Variants in TTLL5 observed in about 807,000 individuals in gnomAD.
TTLL5 encodes tubulin tyrosine ligase like 5, also known as tubulin polyglutamylase TTLL5.
In TTLL5, 132 loss-of-function variants were observed where a neutral mutation model predicts 168.4. The observed-to-expected ratio is 0.78, with a 90% CI of 0.68 to 0.91. The LOEUF (loss-of-function observed/expected upper bound fraction) is 0.91. TTLL5 is among the 40% of genes least tolerant of loss of function. The pLI is 0.00. For missense variants in TTLL5, 1,545 were observed against 1,581.5 expected, an observed-to-expected ratio of 0.98 and a Z score of 0.39; for synonymous variants, 546 against 558.6, an observed-to-expected ratio of 0.98 and a Z score of 0.32.
rs1320201117 is a variant in TTLL5 at position 75,779,494 on chromosome 14, C to T, written c.2388-81C>T. The T allele has an allele frequency of 4.5e-6, 7 of 1,569,742 alleles. No homozygotes were observed. The African/African-American group carries it at 8.3e-5, about 19-fold the overall frequency. ...TTTCATTTTTCCCTTTTCCAGCTTG[C>T]TCTGTTTTCATAATAAAATCTGGTG... On this transcript the variant is annotated intron_variant, in intron 23 of 31. Transcript: ENST00000298832.
At chr14:75,788,699 TA>T (rs1291811998) in intron 26 of TTLL5, among the ~76,000 whole-genome samples, 6 of 152,150 alleles carry the variant, frequency 3.9e-5, no homozygotes, top group Non-Finnish European at 8.8e-5. Flanking sequence ...AATATATTTT[TA>T]AAAAAACTCT....
chr14:75,788,368 C>CTGA (rs1168259518), intron 26 of TTLL5, among the ~76,000 whole-genome samples: 3 of 151,994 alleles, frequency 2.0e-5, no homozygotes, highest in African/African-American at 7.2e-5. Flanking sequence ...GGACAAACCT[C>CTGA]TGATGACACC....
intron 12 of TTLL5, among the ~76,000 whole-genome samples, chr14:75,726,173 T>G (rs1300273289): frequency 6.6e-6 from 1 of 152,220 alleles, no homozygotes; most frequent in African/African-American, 2.4e-5. Flanking sequence ...TTGGATGGAT[T>G]ATTATTTTCT....
At position 75,882,744 on chromosome 14, in the gene TTLL5, A is replaced by G. The variant is rs763908843; in HGVS notation, c.3582A>G (p.Ala1194=). The G allele has an allele frequency of 3.7e-6, 6 of 1,613,998 alleles. No individual in the cohort carries two copies. The highest frequency in any genetic ancestry group is 5.1e-6 in the Non-Finnish European group (6 of 1,180,000). The change falls in exon 30 of 32, where the codon GCA becomes GCG. Residue 1194 remains alanine (A), a synonymous_variant. Coordinates refer to ENST00000298832, the MANE Select transcript of TTLL5 (RefSeq NM_015072.5). ...ATTTATGGACAATGAATAATGGTGCAGGTTGTAGAATTTCCAGTGCCACAG... is the reference window on the plus strand; with the variant it reads ...ATTTATGGACAATGAATAATGGTGCGGGTTGTAGAATTTCCAGTGCCACAG... ...NSNLWTMNNG[A]GCRISSATAS...
chr14:75,906,598 C>G (rs1323906112), intron 31 of TTLL5: 1 of 985,788 alleles, frequency 1.0e-6, no homozygotes, highest in Non-Finnish European at 1.2e-6. Context: ...CATCCAAACC[C>G]TTGCCCACAC....
intron 27 of TTLL5, among the ~76,000 whole-genome samples, chr14:75,798,575 T>C (rs1893115036): frequency 6.6e-6 from 1 of 152,190 alleles, no homozygotes; most frequent in Non-Finnish European, 1.5e-5. Flanking sequence ...TTGAGCTCTT[T>C]CAGGCTTTTT....
At chr14:75,938,647 G>C (rs1021858990) in intron 31 of TTLL5, among the ~76,000 whole-genome samples, 21 of 152,140 alleles carry the variant, frequency 1.4e-4, no homozygotes, top group African/African-American at 4.6e-4. Flanking sequence ...TCATATTACA[G>C]AGGAAGAAAC....
chr14:75,878,562 G>GTGT (rs991871969), intron 29 of TTLL5, among the ~76,000 whole-genome samples: 19 of 152,196 alleles, frequency 1.2e-4, no homozygotes, highest in Admixed American at 1.2e-3. Context: ...CATATGGCAT[G>GTGT]TGTTATCCCT....
In TTLL5 at chr14:75,883,151, A is replaced by C. The variant is rs377478226; in HGVS notation, c.3740+249A>C. On this transcript the variant is annotated intron_variant, in intron 30 of 31. Coordinates refer to ENST00000298832, the MANE Select transcript of TTLL5 (RefSeq NM_015072.5). ...AGGCCCTGCAGAATCAGATCTTTTC[A>C]ATTTCATATAAAATTCAACATCCTG... Among the ~76,000 whole-genome samples the C allele has an allele frequency of 4.6e-4, 70 of 152,350 alleles. 3 individuals are homozygous for C. In the South Asian group the frequency reaches 0.014, roughly 30 times the overall value.
At chr14:75,695,256 G>C (rs1422698927) in intron 6 of TTLL5, among the ~76,000 whole-genome samples, 1 of 152,166 alleles carries the variant, frequency 6.6e-6, no homozygotes, top group South Asian at 2.1e-4. Context: ...CTGGTCTCCC[G>C]TCGCGCTCCC....
chr14:75,685,095 G>T (rs1390090112), intron 5 of TTLL5: 7 of 152,014 alleles, frequency 4.6e-5, no homozygotes, highest in African/African-American at 1.4e-4. Flanking sequence ...TAAAAGTGTG[G>T]TGTTGGCTAG....
chr14:75,832,133 T>C (rs1895604188), intron 28 of TTLL5, among the ~76,000 whole-genome samples: 1 of 152,186 alleles, frequency 6.6e-6, no homozygotes. Flanking sequence ...ACCCGGATAC[T>C]GCTGGTCTCA....
chr14:75,784,121 G>T (rs12879236), intron 26 of TTLL5, among the ~76,000 whole-genome samples: 1 of 152,118 alleles, frequency 6.6e-6, no homozygotes, highest in African/African-American at 2.4e-5. Flanking sequence ...TTCGACACCA[G>T]TATCTAATTT....
At chr14:75,701,416 G>C (rs907066854) in intron 7 of TTLL5, among the ~76,000 whole-genome samples, 2 of 152,188 alleles carry the variant, frequency 1.3e-5, no homozygotes, top group African/African-American at 4.8e-5. Flanking sequence ...TTCTACTGTG[G>C]TTGTGTAGGA....
chr14:75,737,645 A>G, intron 15 of TTLL5: 1 of 1,522,622 alleles, frequency 6.6e-7, no homozygotes, highest in Non-Finnish European at 8.8e-7. Context: ...TTCAAATTTT[A>G]TTTTCATTCT....
At chr14:75,774,358 AC>A (rs1891583686) in intron 21 of TTLL5, among the ~76,000 whole-genome samples, 1 of 152,166 alleles carries the variant, frequency 6.6e-6, no homozygotes, top group African/African-American at 2.4e-5. Flanking sequence ...GCCCTCCTTG[AC>A]AACCCCCAAC....
chr14:75,930,964 T>A (rs1436170586), intron 31 of TTLL5, among the ~76,000 whole-genome samples: 1 of 152,220 alleles, frequency 6.6e-6, no homozygotes, highest in South Asian at 2.1e-4. Flanking sequence ...TCCTTCTTCC[T>A]GATAAAGCTC....
intron 31 of TTLL5, among the ~76,000 whole-genome samples, chr14:75,922,360 C>T (rs532326887): frequency 5.9e-5 from 9 of 152,152 alleles, no homozygotes; most frequent in Non-Finnish European, 1.3e-4. Flanking sequence ...ATGATATTGG[C>T]TGTGGGTTTG....
At chr14:75,663,350 G>C (rs1890875831) in intron 2 of TTLL5, 127 bp downstream of exon 2, 1 of 930,012 alleles carries the variant, frequency 1.1e-6, no homozygotes, top group African/African-American at 1.7e-5. Flanking sequence ...TCATTCCTTG[G>C]GGATTATCTA....
Sources: allele counts gnomAD v4.1 joint callset (sites outside exome capture counted in the v4.1 genomes callset), GRCh38; gene constraint gnomAD v4.1.1; transcripts MANE v1.5; gene names NCBI Gene and HGNC (gene_info 2026-07-23, HGNC 2026-07-21).